The following TTC39A variants were observed in gnomAD, a reference collection of about 807,000 sequenced individuals.
TTC39A encodes tetratricopeptide repeat protein 39A.
Under a neutral mutation model 82.3 loss-of-function variants are expected in TTC39A, and 46 were observed. That is an observed-to-expected ratio of 0.56 (90% CI 0.44 to 0.71). The LOEUF (loss-of-function observed/expected upper bound fraction) is 0.71. TTC39A is among the 30% of genes least tolerant of loss of function. The pLI is 0.00. For synonymous variants in TTC39A, 254 were observed against 275.2 expected (o/e 0.92, Z 0.76); for missense variants, 543 against 712.9 (o/e 0.76, Z 2.71).
Position 51,303,204 on chromosome 1 carries a change from G to T in TTC39A, c.655-12C>A. ...AGCAGCCCATAGTCCTGAGGGGATG[G>T]GAGGGTGGGTGAGGCTCCCAGAGAG... On this transcript the variant is annotated splice_polypyrimidine_tract_variant and intron_variant, in intron 8 of 17. Transcript: ENST00000680483. 1 of 1,535,880 alleles carries T rather than the reference G, an allele frequency of 6.5e-7. No individual in the cohort carries two copies. The highest frequency in any genetic ancestry group is 8.8e-7 in the Non-Finnish European group (1 of 1,131,296).
chr1:51,319,893 G>A (rs544199727), intron 2 of TTC39A, among the ~76,000 whole-genome samples: 3 of 152,090 alleles, frequency 2.0e-5, no homozygotes, highest in African/African-American at 7.2e-5. Flanking sequence ...GTTTCACCAC[G>A]TTGGCCGGCT....
chr1:51,301,933 G>T, intron 11 of TTC39A, 200 bp from the exon 12 acceptor site: 1 of 708,594 alleles, frequency 1.4e-6, no homozygotes, highest in Non-Finnish European at 2.3e-6. Context: ...CTTACATGAC[G>T]TTGGGCTCAA....
At position 51,312,270 on chromosome 1, in the gene TTC39A, C is replaced by T; in HGVS notation, c.279-75G>A. Reference sequence around the variant, plus strand: ...CTTGTCTCTGCCCCTCTCTGCTACACCCTAGAACATTCCTAAAGAGACAGA... The same window carrying T: ...CTTGTCTCTGCCCCTCTCTGCTACATCCTAGAACATTCCTAAAGAGACAGA... On this transcript the variant is annotated intron_variant, in intron 3 of 17. Coordinates refer to ENST00000680483, the MANE Select transcript of TTC39A (RefSeq NM_001297663.2). The T allele has an allele frequency of 6.6e-6, 9 of 1,357,640 alleles. No individual in the cohort carries two copies. In the South Asian group the frequency reaches 7.7e-5, roughly 12 times the overall value. The allele number at this position is 1,357,640 out of a possible 1,614,324, so 84.1% of individuals were successfully genotyped here.
intron 13 of TTC39A, 115 bp downstream of exon 13, chr1:51,295,964 C>G: frequency 8.5e-7 from 1 of 1,177,002 alleles, no homozygotes; most frequent in Non-Finnish European, 1.2e-6. Context: ...GGGCAGGGAG[C>G]CACCCTACTC....
At chr1:51,330,570 C>A, upstream of TTC39A, 1 of 982,718 alleles carries the variant, frequency 1.0e-6, no homozygotes, top group Non-Finnish European at 1.2e-6. This position sits in a 1 kb window ranked among gnomAD's most constrained non-coding sequence, Gnocchi z 4.5. Flanking sequence ...TGTGCGGTCG[C>A]GGACGCGGCG....
intron 2 of TTC39A, among the ~76,000 whole-genome samples, chr1:51,316,841 C>T (rs1645303863): frequency 6.6e-6 from 1 of 152,170 alleles, no homozygotes; most frequent in African/African-American, 2.4e-5. Flanking sequence ...GATGTGAGGC[C>T]CTGCCCAAGG....
At chr1:51,308,517 G>A (rs1644959922) in intron 6 of TTC39A, among the ~76,000 whole-genome samples, 1 of 152,230 alleles carries the variant, frequency 6.6e-6, no homozygotes, top group Non-Finnish European at 1.5e-5. Context: ...TGGGATTACA[G>A]GCTTGAGCCA....
intron 1 of TTC39A, among the ~76,000 whole-genome samples, chr1:51,328,712 A>G (rs1279664081): frequency 6.6e-6 from 1 of 152,246 alleles, no homozygotes; most frequent in Non-Finnish European, 1.5e-5. Flanking sequence ...CAATGTTAAT[A>G]TCTGACAAAG....
In TTC39A at chr1:51,321,945, G is replaced by A. The variant is rs548223242; in HGVS notation, c.42-120C>T. The stretch of plus-strand genomic sequence containing the variant: ...CTGGCCAGCCTTGGGTGCCTGTCAC[G>A]AGCTCCTCCAGGCTGCCACTCTGTA... On this transcript the variant is annotated intron_variant, in intron 1 of 17. Coordinates refer to ENST00000680483, the MANE Select transcript of TTC39A (RefSeq NM_001297663.2). This position sits in a 1 kb window ranked among gnomAD's most constrained non-coding sequence, Gnocchi z 4.6. 2.4e-4 allele frequency: 321 copies of A among 1,316,960 alleles called. 6 individuals are homozygous for A. The South Asian group carries it at 2.8e-3, about 12-fold the overall frequency. The allele number at this position is 1,316,960 out of a possible 1,614,324, so 81.6% of individuals were successfully genotyped here.
intron 1 of TTC39A, among the ~76,000 whole-genome samples, chr1:51,324,926 C>T (rs1645656721): frequency 6.6e-6 from 1 of 152,166 alleles, no homozygotes; most frequent in African/African-American, 2.4e-5. Flanking sequence ...TTCCCCTAAC[C>T]TGTCTCTCCC....
At chr1:51,295,627 G>A (rs1644386172) in intron 13 of TTC39A, 1 of 175,894 alleles carries the variant, frequency 5.7e-6, no homozygotes, top group Non-Finnish European at 1.2e-5. Context: ...TTTTACAGAT[G>A]CTGAAGTTGT....
intron 2 of TTC39A, among the ~76,000 whole-genome samples, chr1:51,317,525 G>A (rs61782061): frequency 0.081 from 12,360 of 152,320 alleles, 615 homozygotes; most frequent in Non-Finnish European, 0.11. Flanking sequence ...AAGGCGGGTG[G>A]ATCGCCTGAG....
At chr1:51,324,171 T>C (rs976009268) in intron 1 of TTC39A, among the ~76,000 whole-genome samples, 9 of 152,184 alleles carry the variant, frequency 5.9e-5, no homozygotes, top group Admixed American at 2.6e-4. Flanking sequence ...AGGGAGTCTT[T>C]TTTTCCCACC....
At chr1:51,292,950 A>G (rs1557697164) in intron 14 of TTC39A, among the ~76,000 whole-genome samples, 1 of 152,174 alleles carries the variant, frequency 6.6e-6, no homozygotes, top group Non-Finnish European at 1.5e-5. Context: ...TAATGCATAA[A>G]CAGTATTTTG....
chr1:51,306,215 G>T, intron 6 of TTC39A, 139 bp from the exon 7 acceptor site: 1 of 651,746 alleles, frequency 1.5e-6, no homozygotes, highest in Non-Finnish European at 2.7e-6. Flanking sequence ...GCTGGTATTT[G>T]AGGAATTTCG....
In TTC39A at chr1:51,341,727, C is replaced by A. The variant is rs548999551; in HGVS notation, c.53+3264G>T. The stretch of plus-strand genomic sequence containing the variant: ...TCAACACACACACACACAAAAAAAA[C>A]CTTGAAATTTTAAATCACAAGTCTG... On this transcript the variant is annotated intron_variant, in intron 1 of 5. Transcript: ENST00000401051. 1.7e-3 allele frequency among the ~76,000 whole-genome samples: 255 copies of A among 151,930 alleles called. 1 individual carries two copies. Among genetic ancestry groups the A allele is most frequent in the Admixed American group, 5.8e-3 (88 of 15,278 alleles).
chr1:51,295,973 T>G (rs1644403503), intron 13 of TTC39A, 106 bp downstream of exon 13: 2 of 1,285,666 alleles, frequency 1.6e-6, no homozygotes, highest in Non-Finnish European at 2.2e-6. Flanking sequence ...GCCACCCTAC[T>G]CCTCCCTCCC....
intron 6 of TTC39A, among the ~76,000 whole-genome samples, chr1:51,306,356 C>T (rs1644866966): frequency 6.6e-6 from 1 of 152,222 alleles, no homozygotes; most frequent in East Asian, 1.9e-4. Flanking sequence ...AAGAGGTTTT[C>T]TCAGCCTCCG....
upstream of TTC39A, among the ~76,000 whole-genome samples, chr1:51,333,220 C>CAAAAAAA (rs748559262): frequency 1.5e-4 from 12 of 80,284 alleles, 1 homozygote; most frequent in Non-Finnish European, 2.2e-4. Context: ...TCGCCCCCAC[C>CAAAAAAA]AAAAAAAAAA....
Sources: gnomAD v4.1 joint callset for allele counts (sites outside exome capture counted in the v4.1 genomes callset) on GRCh38, gnomAD v4.1.1 for gene constraint, Gnocchi (gnomAD v3.1) non-coding constraint, MANE v1.5 for transcripts, NCBI Gene and HGNC (gene_info 2026-07-23, HGNC 2026-07-21) for gene names.